Variants in LMBRD1 observed in about 807,000 individuals in gnomAD.
LMBRD1 encodes lysosomal cobalamin transport escort protein LMBD1.
A neutral mutation model predicts 74.8 loss-of-function variants in LMBRD1; 64 were observed. The ratio of observed to expected loss-of-function variants is 0.86; its 90% CI spans 0.70 to 1.05. The LOEUF (loss-of-function observed/expected upper bound fraction) is 1.05, where lower values mean the gene tolerates loss of function less well. Ranked by LOEUF, LMBRD1 falls within the 50% of genes least tolerant of loss-of-function variation. LMBRD1 has a pLI of 0.00. For synonymous variants in LMBRD1, 204 were observed against 216.3 expected, an observed-to-expected ratio of 0.94 and a Z score of 0.50; for missense variants, 652 against 645.9, an observed-to-expected ratio of 1.01 and a Z score of -0.10.
intron 1 of LMBRD1, among the ~76,000 whole-genome samples, chr6:69,793,268 T>C (rs913771448): frequency 2.0e-5 from 3 of 152,174 alleles, no homozygotes; most frequent in Admixed American, 1.3e-4. Context: ...ACTCCCCAGG[T>C]GGTTCTGATG....
intron 3 of LMBRD1, among the ~76,000 whole-genome samples, chr6:69,758,505 C>T (rs1370311151): frequency 6.6e-6 from 1 of 152,106 alleles, no homozygotes; most frequent in Non-Finnish European, 1.5e-5. Context: ...ATGGCTTAAA[C>T]TCTAGCACCA....
intron 3 of LMBRD1, among the ~76,000 whole-genome samples, chr6:69,753,095 T>C (rs1418287168): frequency 1.3e-5 from 2 of 152,182 alleles, no homozygotes; most frequent in East Asian, 3.8e-4. Flanking sequence ...ACTATTTATC[T>C]GCTTTTTTTA....
intron 4 of LMBRD1, among the ~76,000 whole-genome samples, chr6:69,750,845 C>A (rs745359793): frequency 1.3e-5 from 2 of 151,954 alleles, no homozygotes; most frequent in African/African-American, 2.4e-5. Flanking sequence ...AACTTTTTTT[C>A]TAGGAGTCAT....
chr6:69,676,492 G>A lies in LMBRD1; in HGVS notation c.1467C>T (p.Phe489=). 1 of 1,613,558 alleles carries A rather than the reference G, an allele frequency of 6.2e-7. No individual in the cohort carries two copies. The highest frequency in any genetic ancestry group is 1.3e-5 in the African/African-American group (1 of 75,008). The change falls in exon 15 of 16, where the codon TTC becomes TTT. Residue 489 remains phenylalanine (F), a synonymous_variant. Transcript: ENST00000649934. ...TACCAAAATAGTAAGCAGCACTGAA[G>A]AACCAGAACTTGTGAAGGAATAGGT... ...RTYLFLHKFW[F]FSAAYYFGNW... is the part of the protein sequence containing the mutation.
At chr6:69,785,845 A>C (rs976905480) in intron 2 of LMBRD1, among the ~76,000 whole-genome samples, 16 of 152,170 alleles carry the variant, frequency 1.1e-4, no homozygotes, top group Non-Finnish European at 2.4e-4. Context: ...AACCCTCAAC[A>C]ATACATGTCA....
intron 14 of LMBRD1, among the ~76,000 whole-genome samples, chr6:69,690,596 A>G (rs2502565): frequency 0.88 from 134,417 of 152,034 alleles, 61,229 homozygotes; most frequent in Non-Finnish European, 0.99. Context: ...TAAATATAAG[A>G]TAAAAAAACC....
intron 14 of LMBRD1, among the ~76,000 whole-genome samples, chr6:69,686,427 G>A (rs1468307599): frequency 6.6e-6 from 1 of 152,018 alleles, no homozygotes; most frequent in Non-Finnish European, 1.5e-5. Flanking sequence ...AGTTCTCTAT[G>A]AAGGAATATC....
In LMBRD1 at chr6:69,765,757, T is replaced by C. The variant is rs377705218; in HGVS notation, c.308-13401A>G. Among the ~76,000 whole-genome samples, 5 of 152,298 alleles carry C rather than the reference T, an allele frequency of 3.3e-5. No individual in the cohort carries two copies. In the East Asian group the frequency reaches 5.8e-4, roughly 18 times the overall value. On this transcript the variant is annotated intron_variant, in intron 3 of 15. Transcript: ENST00000649934. Reference sequence around the variant, plus strand: ...CAGCATTGTGTTTTCAACCCCATAATATGGAATTGTTTATTTAAATCTTCT... The same window carrying C: ...CAGCATTGTGTTTTCAACCCCATAACATGGAATTGTTTATTTAAATCTTCT...
Position 69,796,914 on chromosome 6 carries a change from C to T in LMBRD1, c.-33G>A, listed in dbSNP as rs2149901155. ...TCCGGTCCAGACCAACCTGAGCGCC[C>T]GGGGTGGGGAAAGGGGAGGGGGAAA... On this transcript the variant is annotated 5_prime_UTR_variant, in exon 1 of 16. Coordinates refer to ENST00000649934, the MANE Select transcript of LMBRD1 (RefSeq NM_018368.4). 1.3e-6 allele frequency: 2 copies of T among 1,528,432 alleles called. No homozygotes were observed. The highest frequency in any genetic ancestry group is 1.8e-6 in the Non-Finnish European group (2 of 1,112,188). The allele number at this position is 1,528,432 out of a possible 1,614,324, so 94.7% of individuals were successfully genotyped here. A position where few individuals can be genotyped will look rare whatever the true frequency, so the allele number is the denominator to read the frequency against.
At chr6:69,728,417 A>G (rs1766782208) in intron 7 of LMBRD1, among the ~76,000 whole-genome samples, 1 of 152,192 alleles carries the variant, frequency 6.6e-6, no homozygotes, top group African/African-American at 2.4e-5. Flanking sequence ...TGCTTTTTAC[A>G]ACAAAATGCC....
At chr6:69,723,756 A>T (rs1766667494) in intron 7 of LMBRD1, among the ~76,000 whole-genome samples, 1 of 152,140 alleles carries the variant, frequency 6.6e-6, no homozygotes, top group African/African-American at 2.4e-5. Context: ...GACGCATTTT[A>T]AAGAAATGAA....
intron 3 of LMBRD1, among the ~76,000 whole-genome samples, chr6:69,757,113 C>T (rs1765283431): frequency 6.6e-6 from 1 of 152,132 alleles, no homozygotes; most frequent in Admixed American, 6.5e-5. Flanking sequence ...GATATATTCA[C>T]ATAAAAGACG....
chr6:69,709,235 A>C (rs2149850163), intron 9 of LMBRD1, among the ~76,000 whole-genome samples: 1 of 144,200 alleles, frequency 6.9e-6, no homozygotes, highest in South Asian at 2.2e-4. Flanking sequence ...ACTCCATCTC[A>C]AAAAAAAAAA....
At chr6:69,757,639 T>G (rs1486208294) in intron 3 of LMBRD1, among the ~76,000 whole-genome samples, 1 of 152,200 alleles carries the variant, frequency 6.6e-6, no homozygotes, top group Non-Finnish European at 1.5e-5. Context: ...AAGTTGAGTT[T>G]ATATATCTGT....
intron 4 of LMBRD1, among the ~76,000 whole-genome samples, chr6:69,751,881 T>A (rs572876902): frequency 2.2e-4 from 33 of 152,190 alleles, no homozygotes; most frequent in African/African-American, 6.7e-4. Flanking sequence ...ACAGAAAAAA[T>A]TTTGTATGCC....
At chr6:69,740,327 T>A (rs962094520) in intron 6 of LMBRD1, among the ~76,000 whole-genome samples, 15 of 151,716 alleles carry the variant, frequency 9.9e-5, no homozygotes, top group African/African-American at 3.2e-4. Context: ...GAGAATGGAA[T>A]TACAAAAAAC....
chr6:69,760,206 A>T (rs932321805), intron 3 of LMBRD1, among the ~76,000 whole-genome samples: 2 of 152,246 alleles, frequency 1.3e-5, no homozygotes, highest in South Asian at 4.1e-4. Flanking sequence ...CACAATTTTA[A>T]CATCAAAAAA....
chr6:69,762,672 A>G (rs780029574), intron 3 of LMBRD1, among the ~76,000 whole-genome samples: 1 of 152,062 alleles, frequency 6.6e-6, no homozygotes, highest in Non-Finnish European at 1.5e-5. Context: ...TAGTATTTGG[A>G]GGTGGGGTCT....
At chr6:69,785,183 T>C (rs1765919629) in intron 2 of LMBRD1, among the ~76,000 whole-genome samples, 1 of 152,166 alleles carries the variant, frequency 6.6e-6, no homozygotes, top group African/African-American at 2.4e-5. Context: ...TTATTCTGAT[T>C]TCCATAAAGC....
Sources: allele counts gnomAD v4.1 joint callset (sites outside exome capture counted in the v4.1 genomes callset), GRCh38; gene constraint gnomAD v4.1.1; transcripts MANE v1.5; gene names NCBI Gene and HGNC (gene_info 2026-07-23, HGNC 2026-07-21).